The following KCTD1 variants were observed in gnomAD, a reference collection of about 807,000 sequenced individuals.
The protein encoded by KCTD1 is potassium channel tetramerization domain containing 1, also known as BTB/POZ domain-containing protein KCTD1.
KCTD1 carries 24 observed loss-of-function variants against 66.0 expected under a neutral mutation model. The observed-to-expected ratio is 0.36, with a 90% CI of 0.26 to 0.51. The LOEUF is 0.51. KCTD1 is among the 20% of genes least tolerant of loss of function. The pLI, the probability that KCTD1 is intolerant of heterozygous loss-of-function variation, is 0.95. For synonymous variants in KCTD1, 511 were observed against 517.2 expected (o/e 0.99, Z 0.16); for missense variants, 943 against 1,205.2 (o/e 0.78, Z 3.22).
intron 1 of KCTD1, chr18:26,655,839 G>A (rs969537457): frequency 2.0e-5 from 3 of 152,320 alleles, no homozygotes; most frequent in African/African-American, 7.2e-5. Context: ...GTGCAGGTAA[G>A]GGATTCCTGC....
At chr18:26,540,408 G>A (rs1423056016) in intron 1 of KCTD1, among the ~76,000 whole-genome samples, 1 of 152,108 alleles carries the variant, frequency 6.6e-6, no homozygotes, top group Non-Finnish European at 1.5e-5. Flanking sequence ...ACTGCCAGTC[G>A]GGGGAAAGCA....
In KCTD1 at chr18:26,456,134, A is replaced by C. The variant is rs1980075992; in HGVS notation, c.2440-233T>G. The C allele has an allele frequency of 4.4e-5, 21 of 473,746 alleles. No homozygotes were observed. The South Asian group carries it at 7.8e-4, about 18-fold the overall frequency. 29.3% of individuals were successfully genotyped at this position (473,746 alleles called of 1,614,324 possible). On this transcript the variant is annotated intron_variant, in intron 4 of 4. Transcript: ENST00000580059. Reference sequence around the variant, plus strand: ...GCTTGCTTTACACACACCAGCTACAACACTCGATGGTGTTAGGCCCATTTT... The same window carrying C: ...GCTTGCTTTACACACACCAGCTACACCACTCGATGGTGTTAGGCCCATTTT...
intron 2 of KCTD1, among the ~76,000 whole-genome samples, chr18:26,496,583 T>C (rs1982481766): frequency 6.6e-6 from 1 of 152,308 alleles, no homozygotes; most frequent in African/African-American, 2.4e-5. Flanking sequence ...CTGATATATG[T>C]AATACTTCAG....
chr18:26,616,801 A>T (rs1987265506), intron 1 of KCTD1, among the ~76,000 whole-genome samples: 1 of 152,154 alleles, frequency 6.6e-6, no homozygotes, highest in Non-Finnish European at 1.5e-5. Flanking sequence ...TACAAGCATG[A>T]GCCATGGCAT....
At chr18:26,565,502 A>T (rs1379733994) in intron 1 of KCTD1, among the ~76,000 whole-genome samples, 2 of 152,240 alleles carry the variant, frequency 1.3e-5, no homozygotes, top group Non-Finnish European at 2.9e-5. Flanking sequence ...GCCCAATGGT[A>T]CATTGAAAAG....
At position 26,651,799 on chromosome 18, in the gene KCTD1, A is replaced by AAAAAGAAGAAG. The variant is rs764181233; in HGVS notation, c.9+5560_9+5561insCTTCTTCTTTT. On this transcript the variant is annotated intron_variant, in intron 1 of 4. Transcript: ENST00000580191. ...ACTCGGTCTCAAAAAAAAAAAAAAA[A>AAAAAGAAGAAG]AAGAAGAAGAAGAAGAAGAAGAAGG... 9.8e-3 allele frequency among the ~76,000 whole-genome samples: 1,146 copies of AAAAAGAAGAAG among 117,052 alleles called. 12 individuals are homozygous for AAAAAGAAGAAG. Among genetic ancestry groups the AAAAAGAAGAAG allele is most frequent in the African/African-American group, 0.025 (691 of 28,022 alleles). The allele number at this position is 117,052 out of a possible 152,430, so 76.8% of individuals were successfully genotyped here. A position where few individuals can be genotyped will look rare whatever the true frequency, so the allele number is the denominator to read the frequency against.
chr18:26,584,038 T>C (rs1251538748), intron 1 of KCTD1, among the ~76,000 whole-genome samples: 1 of 152,220 alleles, frequency 6.6e-6, no homozygotes, highest in African/African-American at 2.4e-5. Context: ...TCTTTGTATT[T>C]TCCAGAATCC....
At chr18:26,533,671 G>A (rs1045561644) in intron 1 of KCTD1, among the ~76,000 whole-genome samples, 2 of 151,978 alleles carry the variant, frequency 1.3e-5, no homozygotes, top group African/African-American at 4.8e-5. Flanking sequence ...GCTAATGTTC[G>A]TATTTTTTGT....
chr18:26,636,323 T>C (rs1011262339), intron 1 of KCTD1, among the ~76,000 whole-genome samples: 9 of 152,194 alleles, frequency 5.9e-5, no homozygotes, highest in African/African-American at 2.2e-4. Context: ...GTTTTTATTA[T>C]GTGAGTGATG....
chr18:26,624,611 C>T (rs147386422), intron 1 of KCTD1, among the ~76,000 whole-genome samples: 72 of 152,332 alleles, frequency 4.7e-4, no homozygotes, highest in African/African-American at 1.6e-3. Context: ...AGAGGACATA[C>T]GGAAATGCCT....
intron 3 of KCTD1, among the ~76,000 whole-genome samples, chr18:26,463,545 T>A (rs904484207): frequency 1.2e-4 from 19 of 152,146 alleles, no homozygotes; most frequent in Admixed American, 1.0e-3. Context: ...AATACGGTTT[T>A]TTTTTTTTGA....
intron 3 of KCTD1, among the ~76,000 whole-genome samples, chr18:26,472,801 T>C (rs1245275944): frequency 6.6e-6 from 1 of 152,246 alleles, no homozygotes; most frequent in Admixed American, 6.5e-5. Flanking sequence ...GCACCTGCTT[T>C]CTAGAACAGT....
upstream of KCTD1, among the ~76,000 whole-genome samples, chr18:26,550,279 C>G (rs78621634): frequency 0.034 from 5,197 of 152,234 alleles, 116 homozygotes; most frequent in East Asian, 0.081. This position sits in a 1 kb window ranked among gnomAD's most constrained non-coding sequence, Gnocchi z 5.4. Flanking sequence ...GCCCTCCTGT[C>G]TTGCTCTCAA....
intron 1 of KCTD1, among the ~76,000 whole-genome samples, chr18:26,600,494 G>T (rs12962221): frequency 1.3e-5 from 2 of 152,074 alleles, no homozygotes; most frequent in Non-Finnish European, 2.9e-5. Context: ...GCTGGCTGGG[G>T]GGGGTGCAGT....
intron 1 of KCTD1, among the ~76,000 whole-genome samples, chr18:26,595,525 C>T (rs1199942252): frequency 6.6e-6 from 1 of 152,168 alleles, no homozygotes; most frequent in Non-Finnish European, 1.5e-5. Flanking sequence ...TTCCTTCCTC[C>T]TTCTTGCTGG....
At chr18:26,550,563 CAG>C (rs1282538998), upstream of KCTD1, among the ~76,000 whole-genome samples, 34 of 122,176 alleles carry the variant, frequency 2.8e-4, no homozygotes, top group African/African-American at 8.6e-4. This position sits in a 1 kb window ranked among gnomAD's most constrained non-coding sequence, Gnocchi z 5.4. Flanking sequence ...ACAAGACACA[CAG>C]ACACACACAC....
At chr18:26,511,779 GGA>G (rs2144715329) in intron 1 of KCTD1, among the ~76,000 whole-genome samples, 1 of 152,266 alleles carries the variant, frequency 6.6e-6, no homozygotes, top group East Asian at 1.9e-4. Flanking sequence ...CCTGGAGGAG[GGA>G]GAGATTTGCC....
intron 1 of KCTD1, among the ~76,000 whole-genome samples, chr18:26,616,515 A>T (rs1987259301): frequency 6.6e-6 from 1 of 151,738 alleles, no homozygotes; most frequent in South Asian, 2.1e-4. Context: ...ATACATACAC[A>T]CACACACTCA....
intron 1 of KCTD1, among the ~76,000 whole-genome samples, chr18:26,557,992 A>T (rs567673345): frequency 6.6e-6 from 1 of 152,134 alleles, no homozygotes; most frequent in African/African-American, 2.4e-5. Flanking sequence ...TCTCTGTTTC[A>T]TCTCCCTGAT....
Sources: allele counts gnomAD v4.1 joint callset (sites outside exome capture counted in the v4.1 genomes callset), GRCh38; gene constraint gnomAD v4.1.1; non-coding constraint Gnocchi (gnomAD v3.1); transcripts MANE v1.5; gene names NCBI Gene and HGNC (gene_info 2026-07-23, HGNC 2026-07-21).